Variants in ZNF597 observed in about 807,000 individuals in gnomAD.
The protein encoded by ZNF597 is zinc finger protein 597.
Under a neutral mutation model 7.3 loss-of-function variants are expected in ZNF597, and 5 were observed. The ratio of observed to expected loss-of-function variants is 0.68; its 90% CI spans 0.36 to 1.44. The LOEUF (loss-of-function observed/expected upper bound fraction) is 1.44. ZNF597 is among the 40% of genes most tolerant of loss of function. ZNF597 has a pLI of 0.04. For missense variants in ZNF597, 585 were observed against 517.9 expected (o/e 1.13, Z -1.26); for synonymous variants, 209 against 185.4 (o/e 1.13, Z -1.04).
In ZNF597 at chr16:3,436,109, A is replaced by G. The variant is rs1189744707; in HGVS notation, c.*315T>C. On this transcript the variant is annotated 3_prime_UTR_variant, in exon 4 of 4. Transcript: ENST00000301744. ...CAGAAACTACGTAAACAAAATTAAA[A>G]TAACTTTAGCAAGAGCCTTCATTTT... The G allele has an allele frequency of 2.6e-5, 7 of 267,158 alleles. No homozygotes were observed. In the South Asian group the frequency reaches 4.0e-4, roughly 15 times the overall value. The allele number at this position is 267,158 out of a possible 1,614,324, so 16.5% of individuals were successfully genotyped here.
chr16:3,436,433 GTTT>G lies in ZNF597; in HGVS notation c.1263_1265del (p.Lys421del), dbSNP rs768261816. 1.9e-6 allele frequency: 3 copies of G among 1,612,204 alleles called. No individual in the cohort carries two copies. In the East Asian group the frequency reaches 6.7e-5, roughly 36 times the overall value. Reference sequence around the variant, plus strand: ...ATTTGTTATATTTACTTTACGTGGTGTTTTTTATGTGAGTTCGCTTATGAGTAA... The same window carrying G: ...ATTTGTTATATTTACTTTACGTGGTGTTTATGTGAGTTCGCTTATGAGTAA... On this transcript the variant is annotated inframe_deletion, in exon 4 of 4. Coordinates refer to ENST00000301744, the MANE Select transcript of ZNF597 (RefSeq NM_152457.3).
In ZNF597 at chr16:3,433,155, T is replaced by C. The variant is rs938379406; in HGVS notation, c.*3269A>G. 6.6e-6 allele frequency: 1 copy of C among 152,228 alleles called. No homozygotes were observed. The highest frequency in any genetic ancestry group is 6.5e-5 in the Admixed American group (1 of 15,286). 9.4% of individuals were successfully genotyped at this position (152,228 alleles called of 1,614,324 possible). A position where few individuals can be genotyped will look rare whatever the true frequency, so the allele number is the denominator to read the frequency against. Reference sequence around the variant, plus strand: ...TGGGTTAGTCATTTTCTATGTTAAATGAGGAGGTGTCAATAGACTACCACC... The same window carrying C: ...TGGGTTAGTCATTTTCTATGTTAAACGAGGAGGTGTCAATAGACTACCACC... On this transcript the variant is annotated 3_prime_UTR_variant, in exon 4 of 4. Coordinates refer to ENST00000301744, the MANE Select transcript of ZNF597 (RefSeq NM_152457.3).
chr16:3,442,841 C>A (rs1029377840), intron 2 of ZNF597, among the ~76,000 whole-genome samples: 1 of 152,148 alleles, frequency 6.6e-6, no homozygotes, highest in African/African-American at 2.4e-5. Flanking sequence ...CAAGGCCAGA[C>A]CCTATCTCCA....
At chr16:3,440,520 G>A (rs1200305773) in intron 3 of ZNF597, among the ~76,000 whole-genome samples, 1 of 152,142 alleles carries the variant, frequency 6.6e-6, no homozygotes, top group African/African-American at 2.4e-5. Context: ...TGTAGTCCCA[G>A]CTACTCGGGA....
In ZNF597 at chr16:3,435,579, A is replaced by C. The variant is rs891958493; in HGVS notation, c.*845T>G. The C allele has an allele frequency of 6.6e-6, 1 of 152,060 alleles. No individual in the cohort carries two copies. Among genetic ancestry groups the C allele is most frequent in the Non-Finnish European group, 1.5e-5 (1 of 68,024 alleles). The allele number at this position is 152,060 out of a possible 1,614,324, so 9.4% of individuals were successfully genotyped here. A position where few individuals can be genotyped will look rare whatever the true frequency, so the allele number is the denominator to read the frequency against. On this transcript the variant is annotated 3_prime_UTR_variant, in exon 4 of 4. Coordinates refer to ENST00000301744, the MANE Select transcript of ZNF597 (RefSeq NM_152457.3). Reference sequence around the variant, plus strand: ...GAAACAAAGATTTTTTTTCTCTGTCACAGATTCTGAAGATTAAATTACATA... The same window carrying C: ...GAAACAAAGATTTTTTTTCTCTGTCCCAGATTCTGAAGATTAAATTACATA...
chr16:3,439,414 G>T (rs1477240391), intron 3 of ZNF597, among the ~76,000 whole-genome samples: 1 of 151,912 alleles, frequency 6.6e-6, no homozygotes, highest in Non-Finnish European at 1.5e-5. Flanking sequence ...CTTTGGCTGA[G>T]TAGTAATCTA....
In ZNF597 at chr16:3,443,144, T is replaced by G. The variant is rs756795022; in HGVS notation, c.10A>C (p.Met4Leu). The change falls in exon 2 of 4, where the codon ATG becomes CTG. Residue 4 changes from methionine (M) to leucine (L), a missense_variant. Physicochemically the swap from Met to Leu is conservative, Grantham distance 15 (BLOSUM62 2). Transcript: ENST00000301744. ...ACCTGGGCCTCGGGCGTCGGGGGCA[T>G]GGACGCCATTTGGCGGGTGGGGAAT... Reference protein sequence around the residue: MASMPPTPEAQGPI... With the variant: MASLPPTPEAQGPI... 19 of 1,613,398 alleles carry G rather than the reference T, an allele frequency of 1.2e-5. No homozygotes were observed. Among genetic ancestry groups the G allele is most frequent in the East Asian group, 6.7e-5 (3 of 44,864 alleles).
chr16:3,440,422 C>T (rs2034353585), intron 3 of ZNF597, among the ~76,000 whole-genome samples: 1 of 152,072 alleles, frequency 6.6e-6, no homozygotes, highest in African/African-American at 2.4e-5. Context: ...ATCACAAGGT[C>T]AGGAGATTGA....
At chr16:3,443,017 GCACTCCTAC>G in intron 2 of ZNF597, 95 bp downstream of exon 2, 1 of 1,388,438 alleles carries the variant, frequency 7.2e-7, no homozygotes, top group Non-Finnish European at 1.0e-6. Flanking sequence ...GGGCTCAGGA[GCACTCCTAC>G]CACAACAGGC....
chr16:3,440,769 G>T (rs1300888817), intron 3 of ZNF597, 38 bp downstream of exon 3: 3 of 1,610,432 alleles, frequency 1.9e-6, no homozygotes, highest in South Asian at 2.2e-5. Context: ...TCCTAGAATT[G>T]ACAAAAGTTC....
Position 3,437,432 on chromosome 16 carries a change from G to A in ZNF597, c.267C>T (p.Tyr89=). ...KYPIAAPLVP[Y]PEKSSEDGVG... is the part of the protein sequence containing the mutation. ...CTCCATCCTCAGAGGATTTTTCTGGGTAAGGGACAAGGGGTGCAGCAATGG... is the reference window on the plus strand; with the variant it reads ...CTCCATCCTCAGAGGATTTTTCTGGATAAGGGACAAGGGGTGCAGCAATGG... The change falls in exon 4 of 4, where the codon TAC becomes TAT. Residue 89 remains tyrosine, a synonymous_variant. Transcript: ENST00000301744. 1 of 1,614,076 alleles carries A rather than the reference G, an allele frequency of 6.2e-7. No homozygotes were observed. Among genetic ancestry groups the A allele is most frequent in the Non-Finnish European group, 8.5e-7 (1 of 1,180,014 alleles).
At chr16:3,441,699 C>T (rs1229921976) in intron 2 of ZNF597, among the ~76,000 whole-genome samples, 1 of 151,764 alleles carries the variant, frequency 6.6e-6, no homozygotes, top group Non-Finnish European at 1.5e-5. Flanking sequence ...GCAGAGCTTG[C>T]AGTGAGCTGA....
chr16:3,440,607 C>A (rs1317110814), intron 3 of ZNF597, among the ~76,000 whole-genome samples, 200 bp downstream of exon 3: 1 of 151,908 alleles, frequency 6.6e-6, no homozygotes, highest in East Asian at 1.9e-4. Flanking sequence ...GCACTCCAGC[C>A]TGGGCAACAG....
At chr16:3,442,715 T>TGTGGTATGCGC (rs2034404904) in intron 2 of ZNF597, among the ~76,000 whole-genome samples, 1 of 149,470 alleles carries the variant, frequency 6.7e-6, no homozygotes, top group Non-Finnish European at 1.5e-5. Flanking sequence ...AGCCAGACAC[T>TGTGGTATGCGC]GTGGTATGCG....
chr16:3,441,167 G>C (rs888889102), intron 2 of ZNF597, among the ~76,000 whole-genome samples: 1 of 152,234 alleles, frequency 6.6e-6, no homozygotes. Context: ...ACGGTGGACT[G>C]TGAGAATTAT....
At chr16:3,442,402 G>T (rs1360780021) in intron 2 of ZNF597, among the ~76,000 whole-genome samples, 1 of 152,116 alleles carries the variant, frequency 6.6e-6, no homozygotes, top group Non-Finnish European at 1.5e-5. Flanking sequence ...TAGGCCGGGC[G>T]CAGTGGCTCA....
chr16:3,437,349 A>G lies in ZNF597; in HGVS notation c.350T>C (p.Ile117Thr). 1 of 1,614,144 alleles carries G rather than the reference A, an allele frequency of 6.2e-7. No individual in the cohort carries two copies. Among genetic ancestry groups the G allele is most frequent in the Non-Finnish European group, 8.5e-7 (1 of 1,180,030 alleles). Reference sequence around the variant, plus strand: ...GTTTTCAATGGTAACTAAAAGGCTGATGACCCTTCTCTTGTAAGTGGGAGT... The same window carrying G: ...GTTTTCAATGGTAACTAAAAGGCTGGTGACCCTTCTCTTGTAAGTGGGAGT... ...SGTPTYKRRV[I>T]SLLVTIENHT... Residue 117 changes from isoleucine (I) to threonine (T), a missense_variant, in exon 4 of 4, where the codon ATC becomes ACC. Coordinates refer to ENST00000301744, the MANE Select transcript of ZNF597 (RefSeq NM_152457.3).
At chr16:3,438,799 C>T (rs546544660) in intron 3 of ZNF597, among the ~76,000 whole-genome samples, 4 of 152,080 alleles carry the variant, frequency 2.6e-5, no homozygotes, top group East Asian at 3.9e-4. Context: ...AACTAACATT[C>T]CTGTGTAATA....
chr16:3,443,215 G>C lies in ZNF597; in HGVS notation c.-53-9C>G. ...GGGACTTCGTGACAAAGCTGCGGGG[G>C]GAGAGAACAGTTCTTAAAGGGACCA... On this transcript the variant is annotated splice_polypyrimidine_tract_variant and intron_variant, in intron 1 of 3. Transcript: ENST00000301744. 1 of 1,550,656 alleles carries C rather than the reference G, an allele frequency of 6.4e-7. No homozygotes were observed. Among genetic ancestry groups the C allele is most frequent in the South Asian group, 1.2e-5 (1 of 84,956 alleles).
Sources: gnomAD v4.1 joint callset for allele counts (sites outside exome capture counted in the v4.1 genomes callset) on GRCh38, gnomAD v4.1.1 for gene constraint, MANE v1.5 for transcripts, NCBI Gene and HGNC (gene_info 2026-07-23, HGNC 2026-07-21) for gene names.